FAM184B: variants seen among roughly 807,000 people sequenced by gnomAD.
The protein encoded by FAM184B is family with sequence similarity 184 member B.
Under a neutral mutation model 135.9 loss-of-function variants are expected in FAM184B, and 111 were observed. That is an observed-to-expected ratio of 0.82 (90% CI 0.70 to 0.96). The LOEUF is 0.96. Ranked by LOEUF, FAM184B falls within the 40% of genes least tolerant of loss-of-function variation. FAM184B has a pLI of 0.00. For synonymous variants in FAM184B, 552 were observed against 524.8 expected (o/e 1.05, Z -0.71); for missense variants, 1,375 against 1,323.9 (o/e 1.04, Z -0.60).
Position 17,631,951 on chromosome 4 carries a change from G to A in FAM184B, c.*581C>T, listed in dbSNP as rs542395383. ...GATGTTCCACAAAATGGAGTATGAT[G>A]TTATGGACACTAGAAATACAAGGTA... On this transcript the variant is annotated 3_prime_UTR_variant, in exon 18 of 18. Transcript: ENST00000265018. The A allele has an allele frequency of 7.3e-5, 11 of 149,664 alleles. No homozygotes were observed. The highest frequency in any genetic ancestry group is 2.5e-4 in the African/African-American group (10 of 40,612). The allele number at this position is 149,664 out of a possible 1,614,324, so 9.3% of individuals were successfully genotyped here. A position where few individuals can be genotyped will look rare whatever the true frequency, so the allele number is the denominator to read the frequency against.
In FAM184B at chr4:17,658,541, G is replaced by T; in HGVS notation, c.1846C>A (p.Leu616Met). The change falls in exon 10 of 18, where the codon CTG becomes ATG. Residue 616 changes from leucine to methionine, a missense_variant. Physicochemically the swap from Leu to Met is conservative, Grantham distance 15. Transcript: ENST00000265018. The part of the protein sequence containing the change: ...QAQVSQMQQA[L>M]EQCTSNYRED... ...CTGTAGTTGCTGGTGCACTGCTCCAGAGCCTGCTGCATCTGTGAGACCTGC... is the reference window on the plus strand; with the variant it reads ...CTGTAGTTGCTGGTGCACTGCTCCATAGCCTGCTGCATCTGTGAGACCTGC... The T allele has an allele frequency of 6.4e-7, 1 of 1,551,150 alleles. No individual in the cohort carries two copies.
Position 17,684,207 on chromosome 4 carries a change from AT to A in FAM184B, c.1596+4216del, listed in dbSNP as rs1002039430. On this transcript the variant is annotated intron_variant, in intron 7 of 17. Transcript: ENST00000265018. The stretch of plus-strand genomic sequence containing the variant: ...TATATATAAAATAGTTATATAAAAA[AT>A]AATAATATAATTACTATTATTATTA... Among the ~76,000 whole-genome samples, 115 of 125,966 alleles carry A rather than the reference AT, an allele frequency of 9.1e-4. 1 individual carries two copies. Among genetic ancestry groups the A allele is most frequent in the African/African-American group, 2.9e-3 (111 of 38,660 alleles). 82.6% of individuals were successfully genotyped at this position (125,966 alleles called of 152,430 possible).
At chr4:17,672,159 T>C (rs1249437025) in intron 7 of FAM184B, among the ~76,000 whole-genome samples, 2 of 152,084 alleles carry the variant, frequency 1.3e-5, no homozygotes. Context: ...AGAGAAAAGC[T>C]ATTTGTCACA....
intron 1 of FAM184B, among the ~76,000 whole-genome samples, chr4:17,765,220 T>C (rs144411662): frequency 4.8e-4 from 73 of 152,296 alleles, no homozygotes; most frequent in African/African-American, 1.7e-3. Context: ...TCAGCACATC[T>C]TGTCTATCAG....
At chr4:17,771,149 C>G (rs1484325913) in intron 1 of FAM184B, among the ~76,000 whole-genome samples, 1 of 152,100 alleles carries the variant, frequency 6.6e-6, no homozygotes, top group African/African-American at 2.4e-5. Context: ...TAAGCGTGTC[C>G]AAGCATTTGA....
intron 1 of FAM184B, among the ~76,000 whole-genome samples, chr4:17,733,834 A>G (rs1323661735): frequency 5.3e-5 from 8 of 152,204 alleles, no homozygotes; most frequent in Non-Finnish European, 1.0e-4. Flanking sequence ...ACTACTTTAA[A>G]GTTCATATGG....
chr4:17,687,668 G>A (rs895603468), intron 7 of FAM184B, among the ~76,000 whole-genome samples: 10 of 152,160 alleles, frequency 6.6e-5, no homozygotes, highest in African/African-American at 2.4e-4. Flanking sequence ...CAGAGACAAG[G>A]GGAAAGAGGC....
At chr4:17,652,129 C>CT (rs1173327491) in intron 11 of FAM184B, among the ~76,000 whole-genome samples, 2,734 of 81,334 alleles carry the variant, frequency 0.034, 107 homozygotes, top group Middle Eastern at 0.07. Flanking sequence ...TATTTAATAT[C>CT]TTTTTTTTTT....
intron 1 of FAM184B, among the ~76,000 whole-genome samples, chr4:17,759,059 G>A (rs1014536164): frequency 6.6e-6 from 1 of 152,180 alleles, no homozygotes; most frequent in Non-Finnish European, 1.5e-5. Flanking sequence ...TGGCGATCCT[G>A]TCCTTTGAGA....
chr4:17,708,709 A>ATATATATATG (rs3066655), intron 2 of FAM184B, among the ~76,000 whole-genome samples, 183 bp downstream of exon 2: 4 of 38,858 alleles, frequency 1.0e-4, no homozygotes, highest in African/African-American at 4.0e-4. Context: ...ATATATATAT[A>ATATATATATG]GTGTCTGTGT....
intron 1 of FAM184B, among the ~76,000 whole-genome samples, chr4:17,764,809 A>G (rs1254881940): frequency 6.6e-6 from 1 of 152,234 alleles, no homozygotes; most frequent in Non-Finnish European, 1.5e-5. Flanking sequence ...TCACGCCTGT[A>G]ATCTCAGCGC....
At position 17,664,627 on chromosome 4, in the gene FAM184B, C is replaced by T. The variant is rs761404435; in HGVS notation, c.1629G>A (p.Pro543=). The T allele has an allele frequency of 1.4e-5, 22 of 1,550,560 alleles. No homozygotes were observed. The highest frequency in any genetic ancestry group is 9.6e-5 in the African/African-American group (7 of 72,610). The part of the protein sequence containing the change: ...DPCLKLDETS[P]RGEEYQDKLA... ...ACTTATCTTGATACTCCTCTCCTCT[C>T]GGCGAAGTTTCATCCAGCTTCAAGC... Residue 543 remains proline, a synonymous_variant, in exon 8 of 18, where the codon CCG becomes CCA. Transcript: ENST00000265018.
At chr4:17,775,620 A>AT (rs1466685931) in intron 1 of FAM184B, among the ~76,000 whole-genome samples, 2 of 152,122 alleles carry the variant, frequency 1.3e-5, no homozygotes, top group Non-Finnish European at 1.5e-5. Context: ...TCTTGTAGCA[A>AT]TTTTTCTGGT....
intron 1 of FAM184B, among the ~76,000 whole-genome samples, chr4:17,757,563 C>T (rs1211371835): frequency 6.6e-6 from 1 of 151,806 alleles, no homozygotes; most frequent in Non-Finnish European, 1.5e-5. Flanking sequence ...GAGACATACA[C>T]TGAAATATTT....
intron 1 of FAM184B, among the ~76,000 whole-genome samples, chr4:17,725,519 T>C (rs774283078): frequency 7.2e-5 from 11 of 152,208 alleles, no homozygotes; most frequent in Non-Finnish European, 1.5e-4. Context: ...GCTGCTTTCA[T>C]TCAGTTCAAA....
At position 17,688,448 on chromosome 4, in the gene FAM184B, C is replaced by A; in HGVS notation, c.1572G>T (p.Gln524His). 6.4e-7 allele frequency: 1 copy of A among 1,550,854 alleles called. No homozygotes were observed. The highest frequency in any genetic ancestry group is 8.7e-7 in the Non-Finnish European group (1 of 1,146,758). Residue 524 changes from glutamine to histidine, a missense_variant, in exon 7 of 18, where the codon CAG becomes CAT. Transcript: ENST00000265018. ...AEESPQELGRQHCSILETQDP... is the reference protein window; with the variant it reads ...AEESPQELGRHHCSILETQDP... ...CCTGGGTCTCCAGAATGCTGCAGTG[C>A]TGGCGGCCTAATTCCTGGGGACTTT...
intron 1 of FAM184B, among the ~76,000 whole-genome samples, chr4:17,746,710 C>T (rs1392397820): frequency 4.2e-4 from 59 of 139,848 alleles, no homozygotes; most frequent in South Asian, 1.1e-3. Context: ...GCAGCCTAGG[C>T]GACAGAGCGA....
intron 12 of FAM184B, 141 bp downstream of exon 12, chr4:17,647,496 G>T: frequency 1.9e-6 from 2 of 1,049,614 alleles, no homozygotes; most frequent in South Asian, 1.8e-5. Flanking sequence ...GTGGTTCTCT[G>T]GCTTTGGCCT....
At chr4:17,741,419 C>T (rs917764759) in intron 1 of FAM184B, among the ~76,000 whole-genome samples, 59 of 152,262 alleles carry the variant, frequency 3.9e-4, no homozygotes, top group African/African-American at 1.3e-3. Flanking sequence ...CCTGGCCGGG[C>T]GTGGTGGCTC....
Sources: allele counts gnomAD v4.1 joint callset (sites outside exome capture counted in the v4.1 genomes callset), GRCh38; gene constraint gnomAD v4.1.1; transcripts MANE v1.5; gene names NCBI Gene and HGNC (gene_info 2026-07-23, HGNC 2026-07-21).